The following GSG1L variants were observed in gnomAD, a reference collection of about 807,000 sequenced individuals.
The protein encoded by GSG1L is GSG1 like.
In GSG1L, 24 loss-of-function variants were observed where a neutral mutation model predicts 42.1. That is an observed-to-expected ratio of 0.57 (90% CI 0.41 to 0.80). GSG1L has a LOEUF of 0.80. GSG1L is among the 30% of genes least tolerant of loss of function. GSG1L has a pLI of 0.00. For missense variants in GSG1L, 445 were observed against 472.2 expected, an observed-to-expected ratio of 0.94 and a Z score of 0.53; for synonymous variants, 215 against 203.5, an observed-to-expected ratio of 1.06 and a Z score of -0.48.
Position 28,041,790 on chromosome 16 carries a change from G to A in GSG1L, c.349+21286C>T, listed in dbSNP as rs117908973. ...AGCGTCACTGCTGGTTGGCATTTAC[G>A]TCACTAGACTCTTTGCAACTCAAGA... On this transcript the variant is annotated intron_variant, in intron 1 of 6. Transcript: ENST00000447459. Among the ~76,000 whole-genome samples, 98 of 152,310 alleles carry A rather than the reference G, an allele frequency of 6.4e-4. 1 individual carries two copies. The South Asian group carries it at 0.01, about 16-fold the overall frequency.
At chr16:27,860,843 C>T (rs1184077745) in intron 3 of GSG1L, among the ~76,000 whole-genome samples, 1 of 152,192 alleles carries the variant, frequency 6.6e-6, no homozygotes, top group African/African-American at 2.4e-5. Context: ...TCAGAAAGGG[C>T]CAGTGGGAGG....
At chr16:27,948,542 T>C (rs1443674708) in intron 2 of GSG1L, among the ~76,000 whole-genome samples, 1 of 151,330 alleles carries the variant, frequency 6.6e-6, no homozygotes, top group Non-Finnish European at 1.5e-5. Context: ...CCCAGCTAAT[T>C]TTTGTATTTT....
intron 3 of GSG1L, among the ~76,000 whole-genome samples, chr16:27,850,077 G>A (rs908785720): frequency 8.2e-6 from 1 of 122,076 alleles, no homozygotes; most frequent in Non-Finnish European, 1.6e-5. Context: ...CACCCAGGCT[G>A]GAGTGCAGTG....
chr16:28,063,221 GGC>G lies in GSG1L; in HGVS notation c.202_203del (p.Ala68ArgfsTer50). On this transcript the variant is annotated frameshift_variant, in exon 1 of 7. Coordinates refer to ENST00000447459, the MANE Select transcript of GSG1L (RefSeq NM_001109763.2). LOFTEE classifies it high-confidence loss of function. The surrounding 1 kb of genome is among the most constrained non-coding windows in gnomAD (Gnocchi z 5.8). The part of the protein sequence containing the change: ...NATANGTAAP[A>X]AAAAAATASG... ...AGGCGGTGGCGGCGGCGGCGGCGGC[GGC>G]GGGGGCGGCGGTGCCGTTGGCCGTG... 8.0e-7 allele frequency: 1 copy of G among 1,252,362 alleles called. No individual in the cohort carries two copies. Among genetic ancestry groups the G allele is most frequent in the South Asian group, 3.0e-5 (1 of 33,282 alleles). The allele number at this position is 1,252,362 out of a possible 1,614,324, so 77.6% of individuals were successfully genotyped here.
intron 3 of GSG1L, among the ~76,000 whole-genome samples, chr16:27,846,421 G>A (rs532299653): frequency 1.3e-5 from 2 of 152,298 alleles, no homozygotes; most frequent in East Asian, 1.9e-4. Flanking sequence ...TGCCAGGATA[G>A]TAGGAGCACA....
At position 28,051,950 on chromosome 16, in the gene GSG1L, GT is replaced by G. The variant is rs1286198005; in HGVS notation, c.349+11125del. Among the ~76,000 whole-genome samples, 3 of 152,294 alleles carry G rather than the reference GT, an allele frequency of 2.0e-5. No individual in the cohort carries two copies. The East Asian group carries it at 5.8e-4, about 29-fold the overall frequency. The stretch of plus-strand genomic sequence containing the variant: ...GATGACCAGTGAGTGGGATGCTGGA[GT>G]CATCCAGGCCAGAGACGGTGCAGGC... On this transcript the variant is annotated intron_variant, in intron 1 of 6. Coordinates refer to ENST00000447459, the MANE Select transcript of GSG1L (RefSeq NM_001109763.2).
chr16:27,967,445 C>G (rs1477775025), intron 1 of GSG1L, among the ~76,000 whole-genome samples: 2 of 152,182 alleles, frequency 1.3e-5, no homozygotes, highest in Non-Finnish European at 2.9e-5. Flanking sequence ...ATTCTGGCTT[C>G]CCCTGCCCCC....
At chr16:27,800,197 T>G (rs758065732) in intron 6 of GSG1L, among the ~76,000 whole-genome samples, 3 of 152,202 alleles carry the variant, frequency 2.0e-5, no homozygotes, top group Admixed American at 6.6e-5. Context: ...TCTGTTTCCA[T>G]TTTAATAAAG....
At chr16:28,032,848 AAGGCCG>A (rs2085981703) in intron 1 of GSG1L, among the ~76,000 whole-genome samples, 1 of 152,034 alleles carries the variant, frequency 6.6e-6, no homozygotes, top group African/African-American at 2.4e-5. Context: ...ATCTTCCCAC[AAGGCCG>A]AGGCACCATC....
intron 1 of GSG1L, among the ~76,000 whole-genome samples, chr16:27,967,157 C>T (rs887553014): frequency 2.6e-5 from 4 of 152,214 alleles, no homozygotes; most frequent in African/African-American, 4.8e-5. Context: ...TAGAAGCTTT[C>T]GGCATTCTCA....
chr16:27,975,002 AGAG>A (rs1284297521), intron 1 of GSG1L, among the ~76,000 whole-genome samples: 2 of 152,090 alleles, frequency 1.3e-5, no homozygotes, highest in Non-Finnish European at 2.9e-5. Context: ...GTGAAGCCAT[AGAG>A]GAGGAGCTGC....
At chr16:27,809,051 T>C (rs1175610855) in intron 5 of GSG1L, among the ~76,000 whole-genome samples, 1 of 152,098 alleles carries the variant, frequency 6.6e-6, no homozygotes, top group Non-Finnish European at 1.5e-5. Context: ...CACGGTCCTG[T>C]CCAAATGGGC....
intron 1 of GSG1L, among the ~76,000 whole-genome samples, chr16:27,981,370 G>A (rs1349182919): frequency 6.6e-6 from 1 of 152,198 alleles, no homozygotes; most frequent in Non-Finnish European, 1.5e-5. Flanking sequence ...ATTTTAACTG[G>A]TTGGCAAGGG....
At chr16:28,039,496 T>C (rs2086080297) in intron 1 of GSG1L, among the ~76,000 whole-genome samples, 2 of 151,910 alleles carry the variant, frequency 1.3e-5, no homozygotes, top group Admixed American at 6.6e-5. Flanking sequence ...AGGGCCAAAG[T>C]TGAGAATCCC....
chr16:28,057,320 G>A (rs1321891668), intron 1 of GSG1L, among the ~76,000 whole-genome samples: 1 of 152,142 alleles, frequency 6.6e-6, no homozygotes, highest in Non-Finnish European at 1.5e-5. Context: ...GGTTCTGATT[G>A]ACCGGCTGGC....
chr16:28,002,159 CAAAT>C (rs1228625943), intron 1 of GSG1L, among the ~76,000 whole-genome samples: 4 of 152,246 alleles, frequency 2.6e-5, no homozygotes, highest in South Asian at 4.1e-4. Flanking sequence ...AACAAGTCAA[CAAAT>C]AAATAAACAA....
chr16:27,804,533 C>T (rs1009857309), intron 6 of GSG1L, among the ~76,000 whole-genome samples: 2 of 151,558 alleles, frequency 1.3e-5, no homozygotes, highest in Admixed American at 6.6e-5. Context: ...GTCCCTGAGG[C>T]AGGGGCCGTT....
chr16:27,820,546 G>C (rs147226781), intron 5 of GSG1L, among the ~76,000 whole-genome samples: 1 of 152,258 alleles, frequency 6.6e-6, no homozygotes, highest in African/African-American at 2.4e-5. Flanking sequence ...GAGAACAGGA[G>C]CCATTGGGGC....
chr16:27,953,208 A>G (rs1307020034), intron 2 of GSG1L, among the ~76,000 whole-genome samples: 1 of 152,096 alleles, frequency 6.6e-6, no homozygotes, highest in South Asian at 2.1e-4. Context: ...TCCTGCCTCA[A>G]CCTCACAAGT....
Sources: allele counts gnomAD v4.1 joint callset (sites outside exome capture counted in the v4.1 genomes callset), GRCh38; gene constraint gnomAD v4.1.1; non-coding constraint Gnocchi (gnomAD v3.1); transcripts MANE v1.5; gene names NCBI Gene and HGNC (gene_info 2026-07-23, HGNC 2026-07-21).